Variants in GSAP observed in about 807,000 individuals in gnomAD.
GSAP encodes gamma-secretase activating protein, also known as gamma-secretase-activating protein.
A neutral mutation model predicts 131.7 loss-of-function variants in GSAP; 118 were observed. That is an observed-to-expected ratio of 0.90 (90% CI 0.77 to 1.04). The LOEUF is 1.04. Ranked by LOEUF, GSAP falls within the 50% of genes least tolerant of loss-of-function variation. The pLI, the probability that GSAP is intolerant of heterozygous loss-of-function variation, is 0.00. For missense variants in GSAP, 1,019 were observed against 1,013.2 expected (o/e 1.01, Z -0.08); for synonymous variants, 381 against 363.4 (o/e 1.05, Z -0.55).
intron 27 of GSAP, 111 bp from the exon 28 acceptor site, chr7:77,313,660 T>C (rs537153227): frequency 1.3e-4 from 72 of 550,754 alleles, no homozygotes; most frequent in Non-Finnish European, 1.8e-4. Flanking sequence ...CCCAACTGTG[T>C]ATTCTCAAGC....
intron 14 of GSAP, among the ~76,000 whole-genome samples, chr7:77,355,976 G>A (rs1793660900): frequency 6.6e-6 from 1 of 151,620 alleles, no homozygotes. Context: ...TATTTTTATA[G>A]AGATGGAGTC....
intron 26 of GSAP, among the ~76,000 whole-genome samples, chr7:77,319,158 CAAAG>C (rs1319436909): frequency 6.6e-6 from 1 of 152,018 alleles, no homozygotes; most frequent in African/African-American, 2.4e-5. Context: ...ATATATCTAA[CAAAG>C]AGTTAATATC....
intron 19 of GSAP, among the ~76,000 whole-genome samples, chr7:77,336,344 T>G (rs944018427): frequency 6.6e-6 from 1 of 152,136 alleles, no homozygotes; most frequent in African/African-American, 2.4e-5. Flanking sequence ...CAGCACAGTG[T>G]AGTAGGTGGT....
At chr7:77,346,314 G>A (rs1239331261) in intron 19 of GSAP, among the ~76,000 whole-genome samples, 1 of 143,966 alleles carries the variant, frequency 6.9e-6, no homozygotes, top group Non-Finnish European at 1.5e-5. Flanking sequence ...AAAATTCTCT[G>A]CAACATTATT....
intron 18 of GSAP, among the ~76,000 whole-genome samples, chr7:77,350,867 A>G (rs1792760202): frequency 1.3e-5 from 2 of 152,250 alleles, no homozygotes; most frequent in South Asian, 4.1e-4. Context: ...GAAATTTAAT[A>G]AAAGGATAAA....
rs1365719941 is a variant in GSAP at position 77,355,795 on chromosome 7, T to TTTTTTTTG, written c.1028-149_1028-148insCAAAAAAA. ...CTATCTAATGACAGCCCGTTTTTTTTTTTTTTTTTTTAAGACAGGGTCTGA... is the reference window on the plus strand; with the variant it reads ...CTATCTAATGACAGCCCGTTTTTTTTTTTTTTTGTTTTTTTTTTTAAGACAGGGTCTGA... On this transcript the variant is annotated intron_variant, in intron 14 of 30. Transcript: ENST00000257626. 10 of 533,102 alleles carry TTTTTTTTG rather than the reference T, an allele frequency of 1.9e-5. No homozygotes were observed. In the East Asian group the frequency reaches 2.6e-4, roughly 14 times the overall value. 33.0% of individuals were successfully genotyped at this position (533,102 alleles called of 1,614,324 possible).
Position 77,412,406 on chromosome 7 carries a change from G to A in GSAP, c.109+3807C>T, listed in dbSNP as rs76958503. Reference sequence around the variant, plus strand: ...AATCAAAAGGTGAAAAAGTCATAAAGCTTCCAAAAGTTAATACTAAAAATG... The same window carrying A: ...AATCAAAAGGTGAAAAAGTCATAAAACTTCCAAAAGTTAATACTAAAAATG... On this transcript the variant is annotated intron_variant, in intron 1 of 30. Transcript: ENST00000257626. Among the ~76,000 whole-genome samples the A allele has an allele frequency of 2.8e-4, 43 of 152,144 alleles. No homozygotes were observed. In the East Asian group the frequency reaches 8.1e-3, roughly 29 times the overall value.
At chr7:77,361,008 T>A (rs574259518) in intron 13 of GSAP, 107 bp from the exon 14 acceptor site, 27 of 679,020 alleles carry the variant, frequency 4.0e-5, no homozygotes, top group Middle Eastern at 2.5e-4. Flanking sequence ...ATGAAACTGG[T>A]AAGCAGGCAT....
At chr7:77,311,729 G>A (rs1794382099) in intron 30 of GSAP, 112 bp downstream of exon 30, 1 of 642,588 alleles carries the variant, frequency 1.6e-6, no homozygotes, top group Non-Finnish European at 2.8e-6. Flanking sequence ...TTGCTATAAG[G>A]GTCTACTTGT....
At chr7:77,325,891 C>T (rs1189770765) in intron 23 of GSAP, among the ~76,000 whole-genome samples, 1 of 152,136 alleles carries the variant, frequency 6.6e-6, no homozygotes, top group Non-Finnish European at 1.5e-5. Flanking sequence ...TATTTGAAAC[C>T]CCAAATACAA....
chr7:77,324,756 G>GTT (rs936037394), intron 23 of GSAP, among the ~76,000 whole-genome samples: 3 of 138,778 alleles, frequency 2.2e-5, no homozygotes, highest in African/African-American at 8.0e-5. Context: ...TAACAATTGC[G>GTT]TTTTTTTTTT....
chr7:77,358,516 T>C (rs1442350420), intron 14 of GSAP, among the ~76,000 whole-genome samples: 1 of 152,222 alleles, frequency 6.6e-6, no homozygotes, highest in African/African-American at 2.4e-5. Context: ...GGATACTTCT[T>C]ATAATTTCAA....
At chr7:77,356,262 C>T (rs573596041) in intron 14 of GSAP, among the ~76,000 whole-genome samples, 1 of 152,166 alleles carries the variant, frequency 6.6e-6, no homozygotes, top group Non-Finnish European at 1.5e-5. Flanking sequence ...TTTATACCTG[C>T]AGTTTTGTTT....
intron 3 of GSAP, among the ~76,000 whole-genome samples, chr7:77,403,901 TA>T (rs765109622): frequency 1.3e-5 from 2 of 152,096 alleles, no homozygotes; most frequent in Non-Finnish European, 2.9e-5. Flanking sequence ...TTTTAGAAAA[TA>T]AAGTTGGTAT....
rs1794727760 is a variant in GSAP, at chr7:77,314,240, T to A, written c.2209+130A>T. 6 of 861,704 alleles carry A rather than the reference T, an allele frequency of 7.0e-6. No homozygotes were observed. The South Asian group carries it at 8.1e-5, about 12-fold the overall frequency. 53.4% of individuals were successfully genotyped at this position (861,704 alleles called of 1,614,324 possible). ...AAGAATTTCAAGATGTAATGCAGCA[T>A]TAAACTGAGCAGGGCACTCTTCTGA... On this transcript the variant is annotated intron_variant, in intron 27 of 30. Transcript: ENST00000257626.
At chr7:77,320,597 A>G (rs1787509350) in intron 26 of GSAP, 128 bp downstream of exon 26, 2 of 647,876 alleles carry the variant, frequency 3.1e-6, no homozygotes, top group Admixed American at 2.7e-5. Context: ...CATCACTCAC[A>G]GTAACACCAG....
At chr7:77,319,347 G>GT (rs1165263175) in intron 26 of GSAP, among the ~76,000 whole-genome samples, 1 of 151,996 alleles carries the variant, frequency 6.6e-6, no homozygotes, top group Non-Finnish European at 1.5e-5. Context: ...CCACAATGAG[G>GT]TATCACCTCA....
At chr7:77,382,314 C>A (rs1797917572) in intron 7 of GSAP, among the ~76,000 whole-genome samples, 1 of 152,064 alleles carries the variant, frequency 6.6e-6, no homozygotes, top group Non-Finnish European at 1.5e-5. Flanking sequence ...AAACATTCTA[C>A]CATGGGACAA....
intron 16 of GSAP, among the ~76,000 whole-genome samples, chr7:77,354,546 T>C (rs1210883371): frequency 6.6e-6 from 1 of 152,212 alleles, no homozygotes; most frequent in Non-Finnish European, 1.5e-5. Flanking sequence ...AGGTAACTCA[T>C]TACTAGTGCT....
Sources: gnomAD v4.1 joint callset for allele counts (sites outside exome capture counted in the v4.1 genomes callset) on GRCh38, gnomAD v4.1.1 for gene constraint, MANE v1.5 for transcripts, NCBI Gene and HGNC (gene_info 2026-07-23, HGNC 2026-07-21) for gene names.